Variants in DNA2 observed in about 807,000 individuals in gnomAD.
DNA2 encodes the protein DNA replication helicase/nuclease 2.
In DNA2, 101 loss-of-function variants were observed where a neutral mutation model predicts 119.1. The observed-to-expected ratio is 0.85, with a 90% CI of 0.72 to 1.00. DNA2 has a LOEUF of 1.00. DNA2 is among the 50% of genes least tolerant of loss of function. The pLI, the probability that DNA2 is intolerant of heterozygous loss-of-function variation, is 0.00. For missense variants in DNA2, 1,121 were observed against 1,255.5 expected, an observed-to-expected ratio of 0.89 and a Z score of 1.62; for synonymous variants, 366 against 424.4, an observed-to-expected ratio of 0.86 and a Z score of 1.69.
At chr10:68,416,432 C>T (rs2051590264) in intron 20 of DNA2, among the ~76,000 whole-genome samples, 1 of 152,158 alleles carries the variant, frequency 6.6e-6, no homozygotes, top group African/African-American at 2.4e-5. Flanking sequence ...TATCACTGCA[C>T]TGCAGCCTGG....
rs183538862 is a variant in DNA2, at chr10:68,424,549, G to A, written c.2209-1659C>T. Reference sequence around the variant, plus strand: ...AACAGGCCTGAGGCCGCCGCTAGCCGGAGCATCACCATGAAGTTCAATCCC... The same window carrying A: ...AACAGGCCTGAGGCCGCCGCTAGCCAGAGCATCACCATGAAGTTCAATCCC... On this transcript the variant is annotated intron_variant, in intron 14 of 20. Transcript: ENST00000358410. 104 of 807,954 alleles carry A rather than the reference G, an allele frequency of 1.3e-4. No homozygotes were observed. In the Middle Eastern group the frequency reaches 1.6e-3, roughly 13 times the overall value. 50.0% of individuals were successfully genotyped at this position (807,954 alleles called of 1,614,324 possible). A position where few individuals can be genotyped will look rare whatever the true frequency, so the allele number is the denominator to read the frequency against.
chr10:68,444,315 G>C (rs555383432), intron 8 of DNA2, among the ~76,000 whole-genome samples: 81 of 150,540 alleles, frequency 5.4e-4, no homozygotes, highest in African/African-American at 1.9e-3. Context: ...GCTTGAACTA[G>C]GGAGGCGGAG....
intron 4 of DNA2, among the ~76,000 whole-genome samples, chr10:68,464,322 GGCCAA>G (rs1488394773): frequency 6.6e-6 from 1 of 151,670 alleles, no homozygotes; most frequent in Non-Finnish European, 1.5e-5. Flanking sequence ...AAACCAGCCT[GGCCAA>G]CATGGTTAAA....
intron 4 of DNA2, among the ~76,000 whole-genome samples, chr10:68,464,412 G>C (rs1489093955): frequency 6.6e-6 from 1 of 152,078 alleles, no homozygotes; most frequent in Non-Finnish European, 1.5e-5. Context: ...CTACTCGAGA[G>C]GCTGAGGCAG....
chr10:68,423,705 C>T (rs993745260), intron 14 of DNA2, among the ~76,000 whole-genome samples: 2 of 152,170 alleles, frequency 1.3e-5, no homozygotes, highest in African/African-American at 4.8e-5. Flanking sequence ...GGTCTTTCAT[C>T]CCCGATGACT....
At chr10:68,421,121 G>C (rs1564876706) in intron 17 of DNA2, among the ~76,000 whole-genome samples, 1 of 151,876 alleles carries the variant, frequency 6.6e-6, no homozygotes, top group South Asian at 2.1e-4. Context: ...ATTTTTAGTA[G>C]AGACAGGGTT....
chr10:68,465,980 T>G (rs1427149026), intron 3 of DNA2, among the ~76,000 whole-genome samples, 168 bp from the exon 4 acceptor site: 3 of 152,180 alleles, frequency 2.0e-5, no homozygotes, highest in Admixed American at 2.0e-4. Flanking sequence ...GACTTTCACT[T>G]TCTTCTATCC....
At position 68,470,020 on chromosome 10, in the gene DNA2, G is replaced by T; in HGVS notation, c.218C>A (p.Ser73Ter). Residue 73 changes from serine (S) to a stop codon, truncating the protein, a stop_gained, in exon 2 of 21, where the codon TCA (serine) becomes TAA (stop). Coordinates refer to ENST00000358410, the MANE Select transcript of DNA2 (RefSeq NM_001080449.3). LOFTEE classifies it high-confidence loss of function. Reference sequence around the variant, plus strand: ...GATGCATAGTTCTTTATTTTCTAGTGACTGTGAAGCAGTGATGACCAGGCG... The same window carrying T: ...GATGCATAGTTCTTTATTTTCTAGTTACTGTGAAGCAGTGATGACCAGGCG... ...EKRLVITASQ[S>*]LENKELCILR... 6.2e-7 allele frequency: 1 copy of T among 1,610,604 alleles called. No individual in the cohort carries two copies. Among genetic ancestry groups the T allele is most frequent in the South Asian group, 1.1e-5 (1 of 90,172 alleles).
At chr10:68,464,795 C>T (rs902153839) in intron 4 of DNA2, among the ~76,000 whole-genome samples, 1 of 127,568 alleles carries the variant, frequency 7.8e-6, no homozygotes. Flanking sequence ...CACCATTACA[C>T]TCCAGCCTGG....
chr10:68,471,322 A>G (rs2052378818), intron 1 of DNA2, among the ~76,000 whole-genome samples: 1 of 152,228 alleles, frequency 6.6e-6, no homozygotes, highest in African/African-American at 2.4e-5. Context: ...GCCCAAACGC[A>G]AAAGTCCCTC....
chr10:68,426,236 C>CA (rs35022384), intron 14 of DNA2, among the ~76,000 whole-genome samples: 11,187 of 143,488 alleles, frequency 0.078, 619 homozygotes, highest in African/African-American at 0.17. Context: ...CGGACTTCCT[C>CA]AAAAAAAAAA....
intron 5 of DNA2, 64 bp downstream of exon 5, chr10:68,459,040 C>A: frequency 7.3e-7 from 1 of 1,363,556 alleles, no homozygotes; most frequent in African/African-American, 1.5e-5. Flanking sequence ...TGATTCAACA[C>A]ACAGAATGGC....
At chr10:68,424,652 A>G (rs1304477852) in intron 14 of DNA2, 2 of 1,605,648 alleles carry the variant, frequency 1.2e-6, no homozygotes, top group Non-Finnish European at 1.7e-6. Flanking sequence ...AGATCATGTC[A>G]TCCCCGCTCT....
chr10:68,423,014 T>C, intron 14 of DNA2, 124 bp from the exon 15 acceptor site: 1 of 640,218 alleles, frequency 1.6e-6, no homozygotes, highest in Admixed American at 3.6e-5. Context: ...CCTTCGATAT[T>C]ATTTAATTCT....
intron 4 of DNA2, 40 bp from the exon 5 acceptor site, chr10:68,459,275 G>C: frequency 2.0e-6 from 3 of 1,471,910 alleles, no homozygotes. Context: ...AGACTTAAGC[G>C]GTACCTGCCA....
intron 9 of DNA2, among the ~76,000 whole-genome samples, chr10:68,441,266 C>T (rs889856656): frequency 2.1e-5 from 3 of 145,910 alleles, no homozygotes; most frequent in Non-Finnish European, 1.5e-5. Context: ...CCCAGAAGTT[C>T]GAGGCTACAG....
Position 68,432,470 on chromosome 10 carries a change from C to A in DNA2, c.1687G>T (p.Asp563Tyr). 1 of 1,576,844 alleles carries A rather than the reference C, an allele frequency of 6.3e-7. No homozygotes were observed. Among genetic ancestry groups the A allele is most frequent in the Non-Finnish European group, 8.6e-7 (1 of 1,161,840 alleles). ...VLPESTLFRLDQEEKNCDIDT... is the reference protein window; with the variant it reads ...VLPESTLFRLYQEEKNCDIDT... Reference sequence around the variant, plus strand: ...ATATCACAATTTTTTTCTTCTTGGTCTAATCTGAACAAAGTTGATTCTGGA... The same window carrying A: ...ATATCACAATTTTTTTCTTCTTGGTATAATCTGAACAAAGTTGATTCTGGA... Residue 563 changes from aspartate to tyrosine, a missense_variant, in exon 11 of 21, where the codon GAC becomes TAC. Physicochemically the swap from Asp to Tyr is radical, Grantham distance 160 (BLOSUM62 -3). Coordinates refer to ENST00000358410, the MANE Select transcript of DNA2 (RefSeq NM_001080449.3).
At chr10:68,452,567 TTTATTA>T (rs143027263) in intron 5 of DNA2, among the ~76,000 whole-genome samples, 1 of 145,928 alleles carries the variant, frequency 6.9e-6, no homozygotes, top group Non-Finnish European at 1.5e-5. Context: ...GCAATGTGGC[TTTATTA>T]TTATTATTAT....
chr10:68,443,412 A>C (rs1229387983), intron 8 of DNA2, among the ~76,000 whole-genome samples: 1 of 152,202 alleles, frequency 6.6e-6, no homozygotes, highest in Non-Finnish European at 1.5e-5. Flanking sequence ...ATACAACTTC[A>C]TTTCTCAAAA....
Sources: allele counts gnomAD v4.1 joint callset (sites outside exome capture counted in the v4.1 genomes callset), GRCh38; gene constraint gnomAD v4.1.1; transcripts MANE v1.5; gene names NCBI Gene and HGNC (gene_info 2026-07-23, HGNC 2026-07-21).